KCND2: variants seen among roughly 807,000 people sequenced by gnomAD.
KCND2 encodes potassium voltage-gated channel subfamily D member 2, also known as A-type voltage-gated potassium channel KCND2.
A neutral mutation model predicts 54.4 loss-of-function variants in KCND2; 16 were observed. The ratio of observed to expected loss-of-function variants is 0.29; its 90% CI spans 0.20 to 0.45. The LOEUF is 0.45. Among genes scored for constraint, KCND2 ranks in the 20% least tolerant of loss-of-function variants. The pLI is 1.00. For synonymous variants in KCND2, 317 were observed against 310.7 expected (o/e 1.02, Z -0.21); for missense variants, 486 against 824.2 (o/e 0.59, Z 5.02).
intron 2 of KCND2, among the ~76,000 whole-genome samples, chr7:120,734,792 G>A (rs957444460): frequency 1.3e-5 from 2 of 152,086 alleles, no homozygotes; most frequent in African/African-American, 4.8e-5. Flanking sequence ...TAAAGTAGAT[G>A]CACAACCTAG....
intron 2 of KCND2, among the ~76,000 whole-genome samples, chr7:120,740,396 G>A (rs1485552345): frequency 1.3e-5 from 2 of 151,896 alleles, no homozygotes; most frequent in African/African-American, 2.4e-5. Flanking sequence ...ATTTTTCTAG[G>A]TTGTTTAGAA....
intron 1 of KCND2, among the ~76,000 whole-genome samples, chr7:120,582,940 CTCTG>C (rs1256203902): frequency 3.1e-5 from 4 of 129,382 alleles, no homozygotes; most frequent in African/African-American, 1.1e-4. Context: ...GTTTGCATTG[CTCTG>C]TGTGTGTGTA....
At chr7:120,747,598 G>A (rs1034667098) in intron 5 of KCND2, 83 bp from the exon 6 acceptor site, 5 of 891,006 alleles carry the variant, frequency 5.6e-6, no homozygotes, top group Admixed American at 1.9e-5. Flanking sequence ...ATTTTTATAA[G>A]CATTACAACA....
chr7:120,657,523 G>A lies in KCND2; in HGVS notation c.1116-75380G>A, dbSNP rs545084854. Among the ~76,000 whole-genome samples the A allele has an allele frequency of 1.0e-3, 159 of 152,210 alleles. 1 individual carries two copies. Among genetic ancestry groups the A allele is most frequent in the African/African-American group, 3.7e-3 (155 of 41,544 alleles). On this transcript the variant is annotated intron_variant, in intron 1 of 5. Transcript: ENST00000331113. ...GAACTATTTGCGTACATGCTAGTGT[G>A]AAATAGCCTTATCCGTAGGGCCTTC...
intron 1 of KCND2, among the ~76,000 whole-genome samples, chr7:120,412,744 G>A (rs1356513397): frequency 6.6e-6 from 1 of 152,076 alleles, no homozygotes; most frequent in African/African-American, 2.4e-5. Context: ...TCTCCACACA[G>A]TTTGGGAGCT....
At chr7:120,503,889 A>G (rs1355504432) in intron 1 of KCND2, among the ~76,000 whole-genome samples, 4 of 151,958 alleles carry the variant, frequency 2.6e-5, no homozygotes, top group Non-Finnish European at 4.4e-5. Flanking sequence ...AGGGACCCTG[A>G]AGTTTCATTA....
intron 1 of KCND2, among the ~76,000 whole-genome samples, chr7:120,507,497 C>T (rs1419062077): frequency 2.0e-5 from 3 of 151,898 alleles, no homozygotes; most frequent in East Asian, 3.9e-4. Context: ...GGGATGTAAG[C>T]AGAAGTCTTG....
chr7:120,442,141 A>T (rs925515542), intron 1 of KCND2, among the ~76,000 whole-genome samples: 1 of 152,108 alleles, frequency 6.6e-6, no homozygotes, highest in East Asian at 1.9e-4. Flanking sequence ...CAAATTTTCA[A>T]CTCACAAATA....
chr7:120,504,444 G>A (rs1471351902), intron 1 of KCND2, among the ~76,000 whole-genome samples: 1 of 151,674 alleles, frequency 6.6e-6, no homozygotes, highest in African/African-American at 2.4e-5. Context: ...TTGAAAAAAA[G>A]CCTTTATACT....
At chr7:120,573,281 C>T (rs1311846786) in intron 1 of KCND2, among the ~76,000 whole-genome samples, 2 of 152,162 alleles carry the variant, frequency 1.3e-5, no homozygotes, top group African/African-American at 4.8e-5. Flanking sequence ...TACATTACCA[C>T]AGACATTAAC....
intron 1 of KCND2, among the ~76,000 whole-genome samples, chr7:120,400,277 A>T (rs1801230585): frequency 6.6e-6 from 1 of 152,186 alleles, no homozygotes; most frequent in African/African-American, 2.4e-5. Context: ...AATAAGGAGG[A>T]GTACTTTAGG....
At chr7:120,464,235 A>AT (rs1290774404) in intron 1 of KCND2, 1 of 188,774 alleles carries the variant, frequency 5.3e-6, no homozygotes, top group Non-Finnish European at 9.8e-6. Context: ...GTAAAAAAAA[A>AT]AAGAAAACCT....
chr7:120,377,670 T>C (rs1422694363), intron 1 of KCND2, among the ~76,000 whole-genome samples: 1 of 151,998 alleles, frequency 6.6e-6, no homozygotes, highest in African/African-American at 2.4e-5. Flanking sequence ...AGCTTATTTT[T>C]ATTTGTAAGA....
At position 120,506,344 on chromosome 7, in the gene KCND2, G is replaced by A. The variant is rs1468328202; in HGVS notation, c.1116-226559G>A. Among the ~76,000 whole-genome samples the A allele has an allele frequency of 8.6e-5, 13 of 151,778 alleles. No individual in the cohort carries two copies. In the South Asian group the frequency reaches 1.5e-3, roughly 17 times the overall value. ...GGTTAATTAGATTAGAGCACCATACGAAATGATGCTGAGATCACAGATTCC... is the reference window on the plus strand; with the variant it reads ...GGTTAATTAGATTAGAGCACCATACAAAATGATGCTGAGATCACAGATTCC... On this transcript the variant is annotated intron_variant, in intron 1 of 5. Transcript: ENST00000331113.
chr7:120,708,822 C>G (rs979644021), intron 1 of KCND2, among the ~76,000 whole-genome samples: 35 of 152,060 alleles, frequency 2.3e-4, no homozygotes, highest in African/African-American at 7.7e-4. Context: ...CAACTATGCA[C>G]TAATTTTTTT....
chr7:120,484,700 C>T lies in KCND2; in HGVS notation c.1115+208953C>T, dbSNP rs546084025. Among the ~76,000 whole-genome samples, 780 of 130,524 alleles carry T rather than the reference C, an allele frequency of 6.0e-3. 4 individuals carry two copies. Among genetic ancestry groups the T allele is most frequent in the African/African-American group, 0.025 (692 of 27,580 alleles). 85.6% of individuals were successfully genotyped at this position (130,524 alleles called of 152,430 possible). A position where few individuals can be genotyped will look rare whatever the true frequency, so the allele number is the denominator to read the frequency against. On this transcript the variant is annotated intron_variant, in intron 1 of 5. Transcript: ENST00000331113. Reference sequence around the variant, plus strand: ...AAGATTCAGGCTTATATATATTACACGCACACACACACACACACACACACA... The same window carrying T: ...AAGATTCAGGCTTATATATATTACATGCACACACACACACACACACACACA...
At position 120,656,933 on chromosome 7, in the gene KCND2, A is replaced by C. The variant is rs570606091; in HGVS notation, c.1116-75970A>C. Reference sequence around the variant, plus strand: ...TGTTAGCTATTTCTCTTTCCAAGGGACCTATCCAGCTGAGACTGTATGAGG... The same window carrying C: ...TGTTAGCTATTTCTCTTTCCAAGGGCCCTATCCAGCTGAGACTGTATGAGG... On this transcript the variant is annotated intron_variant, in intron 1 of 5. Coordinates refer to ENST00000331113, the MANE Select transcript of KCND2 (RefSeq NM_012281.3). 4.6e-5 allele frequency among the ~76,000 whole-genome samples: 7 copies of C among 152,284 alleles called. No homozygotes were observed. In the East Asian group the frequency reaches 1.4e-3, roughly 29 times the overall value.
intron 1 of KCND2, among the ~76,000 whole-genome samples, chr7:120,628,151 G>A (rs1793185515): frequency 6.6e-6 from 1 of 152,152 alleles, no homozygotes; most frequent in South Asian, 2.1e-4. Flanking sequence ...CAAAGATATA[G>A]AGAAGAGAAC....
At chr7:120,604,368 T>C (rs1169574862) in intron 1 of KCND2, among the ~76,000 whole-genome samples, 1 of 147,164 alleles carries the variant, frequency 6.8e-6, no homozygotes, top group African/African-American at 2.5e-5. Context: ...AGGAAGTAGC[T>C]GGGCAAGTAG....
Sources: allele counts gnomAD v4.1 joint callset (sites outside exome capture counted in the v4.1 genomes callset), GRCh38; gene constraint gnomAD v4.1.1; transcripts MANE v1.5; gene names NCBI Gene and HGNC (gene_info 2026-07-23, HGNC 2026-07-21).